The following ITSN1 variants were observed in gnomAD, a reference collection of about 807,000 sequenced individuals.
ITSN1 encodes intersectin-1.
In ITSN1, 58 loss-of-function variants were observed where a neutral mutation model predicts 239.8. The ratio of observed to expected loss-of-function variants is 0.24; its 90% CI spans 0.20 to 0.30. ITSN1 has a LOEUF of 0.30. Among genes scored for constraint, ITSN1 ranks in the 10% least tolerant of loss-of-function variants. The pLI, the probability that ITSN1 is intolerant of heterozygous loss-of-function variation, is 1.00. For missense variants in ITSN1, 1,558 were observed against 2,103.3 expected (o/e 0.74, Z 5.07); for synonymous variants, 780 against 770.8 (o/e 1.01, Z -0.20).
chr21:33,764,465 TG>T (rs1432718644), intron 9 of ITSN1, among the ~76,000 whole-genome samples: 1 of 151,878 alleles, frequency 6.6e-6, no homozygotes, highest in African/African-American at 2.4e-5. Flanking sequence ...ATCTTGCATA[TG>T]GGTATCTTGC....
intron 1 of ITSN1, among the ~76,000 whole-genome samples, chr21:33,718,475 T>C (rs2065295300): frequency 6.6e-6 from 1 of 152,206 alleles, no homozygotes; most frequent in South Asian, 2.1e-4. Context: ...TTAAATATTG[T>C]AAGTAATCTA....
chr21:33,773,299 C>T (rs1435371916), intron 12 of ITSN1, among the ~76,000 whole-genome samples: 5 of 152,058 alleles, frequency 3.3e-5, no homozygotes, highest in African/African-American at 7.2e-5. Context: ...TGAGCCACCG[C>T]GCCTGGCCCA....
In ITSN1 at chr21:33,888,391, T is replaced by C; in HGVS notation, c.*91T>C. Reference sequence around the variant, plus strand: ...TATTCCTTTTCTAAGAAACCACCATTTGGTATTCAGTCACAGGGATATGGG... The same window carrying C: ...TATTCCTTTTCTAAGAAACCACCATCTGGTATTCAGTCACAGGGATATGGG... On this transcript the variant is annotated 3_prime_UTR_variant, in exon 40 of 40. Transcript: ENST00000381318. 7.4e-7 allele frequency: 1 copy of C among 1,351,256 alleles called. No homozygotes were observed. Among genetic ancestry groups the C allele is most frequent in the Non-Finnish European group, 1.0e-6 (1 of 994,302 alleles). The allele number at this position is 1,351,256 out of a possible 1,614,324, so 83.7% of individuals were successfully genotyped here.
chr21:33,723,170 G>A (rs1258631201), intron 4 of ITSN1, among the ~76,000 whole-genome samples: 1 of 152,180 alleles, frequency 6.6e-6, no homozygotes, highest in Non-Finnish European at 1.5e-5. Flanking sequence ...TAAAAAGGGT[G>A]GCAAATACAG....
chr21:33,691,673 C>A (rs541302331), intron 1 of ITSN1, among the ~76,000 whole-genome samples: 3 of 152,298 alleles, frequency 2.0e-5, no homozygotes, highest in South Asian at 4.2e-4. Flanking sequence ...AAATTTATTT[C>A]TTATAGTTCT....
At chr21:33,696,725 C>T (rs748093341) in intron 1 of ITSN1, among the ~76,000 whole-genome samples, 42 of 152,104 alleles carry the variant, frequency 2.8e-4, no homozygotes, top group Non-Finnish European at 4.9e-4. Context: ...TTGCCCTTTT[C>T]GGTGTTATGG....
intron 1 of ITSN1, chr21:33,716,558 A>G (rs1569008137): frequency 6.6e-6 from 1 of 152,162 alleles, no homozygotes; most frequent in Non-Finnish European, 1.5e-5. Context: ...ATGAAAAGGT[A>G]ACTCAATATA....
At chr21:33,739,184 A>C (rs2048107587) in intron 5 of ITSN1, among the ~76,000 whole-genome samples, 1 of 152,154 alleles carries the variant, frequency 6.6e-6, no homozygotes, top group Non-Finnish European at 1.5e-5. Context: ...TCCCCTACAG[A>C]GAAGAGAGAA....
At chr21:33,731,048 C>T (rs2066152547) in intron 4 of ITSN1, among the ~76,000 whole-genome samples, 1 of 152,194 alleles carries the variant, frequency 6.6e-6, no homozygotes, top group African/African-American at 2.4e-5. Flanking sequence ...CAGGGATTCC[C>T]CACAGTTATG....
At chr21:33,666,606 A>G (rs2089948035) in intron 1 of ITSN1, among the ~76,000 whole-genome samples, 4 of 152,306 alleles carry the variant, frequency 2.6e-5, no homozygotes, top group African/African-American at 7.2e-5. Context: ...AATATATCGT[A>G]GTTGTTTTAT....
Position 33,802,424 on chromosome 21 carries a change from G to A in ITSN1, c.2305-6G>A, listed in dbSNP as rs763553844. 8.9e-5 allele frequency: 144 copies of A among 1,612,984 alleles called. No individual in the cohort carries two copies. Among genetic ancestry groups the A allele is most frequent in the Non-Finnish European group, 1.2e-4 (142 of 1,179,422 alleles). ...TTGCTTTCAAACCTTTGCTTTCCTG[G>A]TGGAGGTTAAAGGGGAATGGGTAAG... On this transcript the variant is annotated splice_region_variant and splice_polypyrimidine_tract_variant and intron_variant, in intron 19 of 39. Transcript: ENST00000381318.
chr21:33,722,607 T>C lies in ITSN1; in HGVS notation c.141T>C (p.Phe47=), dbSNP rs761496241. 1.9e-6 allele frequency: 3 copies of C among 1,581,974 alleles called. No homozygotes were observed. Among genetic ancestry groups the C allele is most frequent in the Non-Finnish European group, 2.6e-6 (3 of 1,170,394 alleles). ...TTACAGGTGATCAAGCTAGAAACTT[T>C]TTTTTTCAATCTGGGTTACCTCAAC... ...GFITGDQARN[F]FFQSGLPQPV... is the part of the protein sequence containing the mutation. The change falls in exon 4 of 40, where the codon TTT becomes TTC. Residue 47 remains phenylalanine (F), a synonymous_variant. Coordinates refer to ENST00000381318, the MANE Select transcript of ITSN1 (RefSeq NM_003024.3).
chr21:33,878,312 T>G (rs2096465), intron 34 of ITSN1, among the ~76,000 whole-genome samples: 89,067 of 151,884 alleles, frequency 0.59, 27,089 homozygotes, highest in African/African-American at 0.76. Flanking sequence ...GGATTACAGG[T>G]GTGAGCCACC....
chr21:33,792,928 T>C (rs1347104891), intron 16 of ITSN1, among the ~76,000 whole-genome samples: 1 of 152,000 alleles, frequency 6.6e-6, no homozygotes, highest in Non-Finnish European at 1.5e-5. Context: ...TCTTCCCTTC[T>C]TCTCCATTTT....
Position 33,895,680 on chromosome 21 carries a change from TG to T in ITSN1, c.*7381del, listed in dbSNP as rs1330942406. The T allele has an allele frequency of 1.3e-5, 2 of 149,910 alleles. No individual in the cohort carries two copies. Among genetic ancestry groups the T allele is most frequent in the African/African-American group, 5.1e-5 (2 of 39,592 alleles). 9.3% of individuals were successfully genotyped at this position (149,910 alleles called of 1,614,324 possible). ...GTGTATGCATGTGCATGTTTGTGTG[TG>T]CGTGCATATGTGTATGTGTGTGCGC... On this transcript the variant is annotated 3_prime_UTR_variant, in exon 40 of 40. Coordinates refer to ENST00000381318, the MANE Select transcript of ITSN1 (RefSeq NM_003024.3).
chr21:33,847,509 C>T (rs992492241), intron 29 of ITSN1, among the ~76,000 whole-genome samples: 14 of 152,196 alleles, frequency 9.2e-5, no homozygotes, highest in Non-Finnish European at 1.5e-4. Context: ...GGAAGGTCAC[C>T]GTACATCGCT....
At chr21:33,736,660 C>G (rs980776814) in intron 5 of ITSN1, among the ~76,000 whole-genome samples, 6 of 152,184 alleles carry the variant, frequency 3.9e-5, no homozygotes, top group African/African-American at 1.4e-4. Context: ...TGTAGCCAAT[C>G]TTTGGTCAGG....
Position 33,721,294 on chromosome 21 carries a change from A to G in ITSN1, c.121+24A>G, listed in dbSNP as rs764800717. On this transcript the variant is annotated intron_variant, in intron 3 of 39. Coordinates refer to ENST00000381318, the MANE Select transcript of ITSN1 (RefSeq NM_003024.3). ...TGGTAATCACAGTCAGCATTTTTTCATTTTTACTTATCAGTAGTGCAGATG... is the reference window on the plus strand; with the variant it reads ...TGGTAATCACAGTCAGCATTTTTTCGTTTTTACTTATCAGTAGTGCAGATG... The G allele has an allele frequency of 3.4e-6, 5 of 1,455,712 alleles. No homozygotes were observed. The Admixed American group carries it at 5.0e-5, about 15-fold the overall frequency. 90.2% of individuals were successfully genotyped at this position (1,455,712 alleles called of 1,614,324 possible). A position where few individuals can be genotyped will look rare whatever the true frequency, so the allele number is the denominator to read the frequency against.
chr21:33,853,373 G>A (rs1451349626), intron 29 of ITSN1, among the ~76,000 whole-genome samples: 1 of 152,212 alleles, frequency 6.6e-6, no homozygotes, highest in Non-Finnish European at 1.5e-5. Context: ...ACCTGGAGCA[G>A]GAGGCCACGC....
Sources: allele counts gnomAD v4.1 joint callset (sites outside exome capture counted in the v4.1 genomes callset), GRCh38; gene constraint gnomAD v4.1.1; transcripts MANE v1.5; gene names NCBI Gene and HGNC (gene_info 2026-07-23, HGNC 2026-07-21).